Variants in TNR observed in about 807,000 individuals in gnomAD.
TNR encodes the protein tenascin R, also known as tenascin-R.
In TNR, 45 loss-of-function variants were observed where a neutral mutation model predicts 150.4. That is an observed-to-expected ratio of 0.30 (90% confidence interval 0.24 to 0.38). TNR has a LOEUF of 0.38. Ranked by LOEUF, TNR falls within the 10% of genes least tolerant of loss-of-function variation. The pLI is 1.00. For synonymous variants in TNR, 687 were observed against 678.4 expected (o/e 1.01, Z -0.20); for missense variants, 1,544 against 1,759.1 (o/e 0.88, Z 2.19).
intron 2 of TNR, among the ~76,000 whole-genome samples, chr1:175,447,839 T>C (rs1656132286): frequency 6.6e-6 from 1 of 152,236 alleles, no homozygotes; most frequent in Admixed American, 6.5e-5. Flanking sequence ...CAAATTTCAT[T>C]CCAACACATG....
intron 2 of TNR, among the ~76,000 whole-genome samples, chr1:175,478,610 T>TA (rs879714776): frequency 0.017 from 2,550 of 145,864 alleles, 69 homozygotes; most frequent in African/African-American, 0.058. Context: ...CTCCCTACAT[T>TA]AAAAAAAAAA....
chr1:175,619,341 G>T (rs1473051446), intron 1 of TNR, among the ~76,000 whole-genome samples: 2 of 152,112 alleles, frequency 1.3e-5, no homozygotes, highest in Non-Finnish European at 2.9e-5. Context: ...ATAAAACTTC[G>T]TGCAGAATGT....
intron 1 of TNR, among the ~76,000 whole-genome samples, chr1:175,702,351 G>T (rs1469183964): frequency 6.6e-6 from 1 of 152,162 alleles, no homozygotes; most frequent in Non-Finnish European, 1.5e-5. Context: ...CCTCTGGGTT[G>T]TCACCCAGCC....
chr1:175,604,524 C>T lies in TNR; in HGVS notation c.-164-76155G>A, dbSNP rs1041823957. ...GAAGGCTGGGCAGCATAAAGAAAAG[C>T]TCACTTCCTTGCCCGATGCTATCTT... On this transcript the variant is annotated intron_variant, in intron 1 of 22. Coordinates refer to ENST00000367674, the MANE Select transcript of TNR (RefSeq NM_003285.3). Among the ~76,000 whole-genome samples, 20 of 152,282 alleles carry T rather than the reference C, an allele frequency of 1.3e-4. No homozygotes were observed. The South Asian group carries it at 2.7e-3, about 21-fold the overall frequency.
chr1:175,611,675 A>T (rs1663605438), intron 1 of TNR, among the ~76,000 whole-genome samples: 1 of 151,994 alleles, frequency 6.6e-6, no homozygotes, highest in Non-Finnish European at 1.5e-5. Context: ...CTTTTCCCTC[A>T]TGTTGACCCA....
At chr1:175,603,061 C>T (rs1663300563) in intron 1 of TNR, among the ~76,000 whole-genome samples, 1 of 152,074 alleles carries the variant, frequency 6.6e-6, no homozygotes, top group Non-Finnish European at 1.5e-5. Context: ...TCTGAGGGGA[C>T]AAGAAATAAC....
Position 175,542,005 on chromosome 1 carries a change from C to T in TNR, c.-164-13636G>A, listed in dbSNP as rs1457326170. Among the ~76,000 whole-genome samples the T allele has an allele frequency of 3.3e-5, 5 of 152,270 alleles. No homozygotes were observed. The East Asian group carries it at 9.7e-4, about 29-fold the overall frequency. On this transcript the variant is annotated intron_variant, in intron 1 of 22. Transcript: ENST00000367674. ...AATGAGATAATGTAAACCAAAGACG[C>T]TCTACCAATGCAAGCCATCAGAAGA...
Position 175,403,479 on chromosome 1 carries a change from C to T in TNR, c.637G>A (p.Val213Met). Residue 213 changes from valine to methionine, a missense_variant, in exon 4 of 23, where the codon GTG becomes ATG. Transcript: ENST00000367674. ...YCPLGCSSRGVCVDGQCICDS... is the reference protein window; with the variant it reads ...YCPLGCSSRGMCVDGQCICDS... ...CAGATGCACTGGCCATCCACACACACCCCCCGGCTGGAGCAACCCAGCGGG... is the reference window on the plus strand; with the variant it reads ...CAGATGCACTGGCCATCCACACACATCCCCCGGCTGGAGCAACCCAGCGGG... 3 of 1,614,136 alleles carry T rather than the reference C, an allele frequency of 1.9e-6. No homozygotes were observed. The highest frequency in any genetic ancestry group is 1.1e-5 in the South Asian group (1 of 91,074).
intron 2 of TNR, among the ~76,000 whole-genome samples, chr1:175,520,265 A>C (rs1659580811): frequency 6.6e-6 from 1 of 152,180 alleles, no homozygotes; most frequent in Admixed American, 6.5e-5. Flanking sequence ...AGATGAACAG[A>C]GTTCTGGCAG....
chr1:175,514,028 G>T (rs1659303967), intron 2 of TNR, among the ~76,000 whole-genome samples: 2 of 152,200 alleles, frequency 1.3e-5, no homozygotes, highest in Admixed American at 1.3e-4. Flanking sequence ...AGTCATATAA[G>T]TTGTGATGGG....
intron 2 of TNR, among the ~76,000 whole-genome samples, chr1:175,488,679 C>T (rs1191941451): frequency 1.3e-5 from 2 of 152,166 alleles, no homozygotes; most frequent in African/African-American, 4.8e-5. Flanking sequence ...CCAGCTGCCA[C>T]CGAAGTTCTA....
chr1:175,491,346 G>A (rs562885636), intron 2 of TNR, among the ~76,000 whole-genome samples: 2 of 152,196 alleles, frequency 1.3e-5, no homozygotes, highest in African/African-American at 4.8e-5. Flanking sequence ...ACAAACTTGT[G>A]CACCTAACAC....
intron 13 of TNR, 40 bp from the exon 14 acceptor site, chr1:175,362,849 C>G: frequency 6.2e-7 from 1 of 1,612,050 alleles, no homozygotes; most frequent in Non-Finnish European, 8.5e-7. Context: ...TTCAGCAGCC[C>G]TTTCATCCAA....
At chr1:175,719,723 A>G (rs1211861828) in intron 1 of TNR, among the ~76,000 whole-genome samples, 1 of 152,210 alleles carries the variant, frequency 6.6e-6, no homozygotes, top group Non-Finnish European at 1.5e-5. Context: ...CTAGGACACA[A>G]TGATAGCAGA....
intron 1 of TNR, among the ~76,000 whole-genome samples, chr1:175,563,440 T>G (rs1661509381): frequency 6.6e-6 from 1 of 152,218 alleles, no homozygotes. Flanking sequence ...GCCTATTTCA[T>G]GCTCCTCAAC....
At chr1:175,333,619 C>A (rs1650059980) in intron 20 of TNR, among the ~76,000 whole-genome samples, 1 of 152,090 alleles carries the variant, frequency 6.6e-6, no homozygotes, top group African/African-American at 2.4e-5. Flanking sequence ...TTTTAGGTAC[C>A]TACTATCTCT....
intron 8 of TNR, among the ~76,000 whole-genome samples, chr1:175,384,232 A>C (rs913873671): frequency 6.6e-6 from 1 of 152,180 alleles, no homozygotes; most frequent in Admixed American, 6.5e-5. Context: ...AGAAGATACC[A>C]CACCCCGGAG....
intron 1 of TNR, among the ~76,000 whole-genome samples, chr1:175,572,549 T>C (rs1661920882): frequency 6.6e-6 from 1 of 152,102 alleles, no homozygotes. Context: ...AATCAGTCAG[T>C]CAATCATAAT....
At chr1:175,447,882 A>G (rs1656133371) in intron 2 of TNR, among the ~76,000 whole-genome samples, 1 of 152,134 alleles carries the variant, frequency 6.6e-6, no homozygotes, top group African/African-American at 2.4e-5. Context: ...CTATTCCTTG[A>G]GGTTGTTATG....
Sources: allele counts gnomAD v4.1 joint callset (sites outside exome capture counted in the v4.1 genomes callset), GRCh38; gene constraint gnomAD v4.1.1; transcripts MANE v1.5; gene names NCBI Gene and HGNC (gene_info 2026-07-23, HGNC 2026-07-21).